The following KCNK10 variants were observed in gnomAD, a reference collection of about 807,000 sequenced individuals.
The protein encoded by KCNK10 is potassium channel subfamily K member 10.
In KCNK10, 25 loss-of-function variants were observed where a neutral mutation model predicts 47.7. That is an observed-to-expected ratio of 0.52 (90% confidence interval 0.38 to 0.73). KCNK10 has a LOEUF of 0.73. Among genes scored for constraint, KCNK10 ranks in the 30% least tolerant of loss-of-function variants. KCNK10 has a pLI of 0.00. For synonymous variants in KCNK10, 303 were observed against 285.6 expected, an observed-to-expected ratio of 1.06 and a Z score of -0.61; for missense variants, 563 against 714.5, an observed-to-expected ratio of 0.79 and a Z score of 2.42.
rs540273196 is a variant in KCNK10 at position 88,182,566 on chromosome 14, A to T, written c.*2969T>A. 6.6e-6 allele frequency: 1 copy of T among 152,428 alleles called. No homozygotes were observed. The highest frequency in any genetic ancestry group is 2.1e-4 in the South Asian group (1 of 4,826). The allele number at this position is 152,428 out of a possible 1,614,324, so 9.4% of individuals were successfully genotyped here. A position where few individuals can be genotyped will look rare whatever the true frequency, so the allele number is the denominator to read the frequency against. On this transcript the variant is annotated 3_prime_UTR_variant, in exon 7 of 7. Coordinates refer to ENST00000319231, the MANE Select transcript of KCNK10 (RefSeq NM_138317.3). ...TCATAGGTTTCTAAACACTTTGCAC[A>T]CATATTTAATCGATCAATCACCATA... is the stretch of plus-strand genomic sequence containing the variant.
chr14:88,267,449 C>T (rs1887293422), intron 1 of KCNK10, among the ~76,000 whole-genome samples: 1 of 151,758 alleles, frequency 6.6e-6, no homozygotes, highest in Non-Finnish European at 1.5e-5. Context: ...CGGCTCACTG[C>T]AACCTCCACC....
intron 4 of KCNK10, among the ~76,000 whole-genome samples, chr14:88,214,430 T>C (rs892795197): frequency 5.9e-5 from 9 of 152,128 alleles, no homozygotes; most frequent in Non-Finnish European, 1.0e-4. Flanking sequence ...AAGAACAGAG[T>C]GGGGACTATC....
rs557149460 is a variant in KCNK10 at position 88,223,182 on chromosome 14, G to A, written c.681+4193C>T. On this transcript the variant is annotated intron_variant, in intron 4 of 6. Coordinates refer to ENST00000319231, the MANE Select transcript of KCNK10 (RefSeq NM_138317.3). ...TCGTTATGCAGAAAAGCATTTCTGC[G>A]AAGACATCTACCCAGCAACTGACTG... Among the ~76,000 whole-genome samples the A allele has an allele frequency of 4.2e-4, 64 of 152,224 alleles. 1 individual carries two copies. The highest frequency in any genetic ancestry group is 7.6e-4 in the Non-Finnish European group (52 of 68,022).
At chr14:88,270,103 C>T (rs1211886094) in intron 1 of KCNK10, among the ~76,000 whole-genome samples, 1 of 152,032 alleles carries the variant, frequency 6.6e-6, no homozygotes, top group South Asian at 2.1e-4. Flanking sequence ...CCCCCCTCCC[C>T]GCAGCCGACC....
chr14:88,326,167 A>G, upstream of KCNK10, among the ~76,000 whole-genome samples: 1 of 141,446 alleles, frequency 7.1e-6, no homozygotes, highest in Non-Finnish European at 1.6e-5. Context: ...AATGTAGACA[A>G]AAGCAAGTTA....
At position 88,323,155 on chromosome 14, in the gene KCNK10, C is replaced by T. The variant is rs1888585695; in HGVS notation, c.-357G>A. 2.6e-5 allele frequency: 29 copies of T among 1,128,442 alleles called. No individual in the cohort carries two copies. The highest frequency in any genetic ancestry group is 3.1e-5 in the Non-Finnish European group (28 of 914,686). 69.9% of individuals were successfully genotyped at this position (1,128,442 alleles called of 1,614,324 possible). A position where few individuals can be genotyped will look rare whatever the true frequency, so the allele number is the denominator to read the frequency against. ...TGCCGGCAGGTTAGGGGCTGCGCAG[C>T]CTGAAGGCTGGGGCTACGGAGAAGC... is the stretch of plus-strand genomic sequence containing the variant. On this transcript the variant is annotated 5_prime_UTR_variant, in exon 1 of 7. Coordinates refer to ENST00000319231, the MANE Select transcript of KCNK10 (RefSeq NM_138317.3).
intron 1 of KCNK10, among the ~76,000 whole-genome samples, chr14:88,282,759 C>T (rs1437967971): frequency 1.3e-5 from 2 of 152,198 alleles, no homozygotes; most frequent in Non-Finnish European, 2.9e-5. Flanking sequence ...CAGAAAGGCA[C>T]CACCTTGAAA....
In KCNK10 at chr14:88,197,572, T is replaced by TAAAAAAAAAAAAAA. The variant is rs71417717; in HGVS notation, c.682-5176_682-5163dup. ...CTGGGCAACAGAGAGAGACTCCGAC[T>TAAAAAAAAAAAAAA]AAAAAAAAAAAAAAAAAAAAAAAAA... is the stretch of plus-strand genomic sequence containing the variant. On this transcript the variant is annotated intron_variant, in intron 4 of 6. Coordinates refer to ENST00000319231, the MANE Select transcript of KCNK10 (RefSeq NM_138317.3). Among the ~76,000 whole-genome samples the TAAAAAAAAAAAAAA allele has an allele frequency of 2.3e-4, 4 of 17,156 alleles. 2 individuals carry two copies. Among genetic ancestry groups the TAAAAAAAAAAAAAA allele is most frequent in the African/African-American group, 3.1e-4 (2 of 6,350 alleles). 11.3% of individuals were successfully genotyped at this position (17,156 alleles called of 152,430 possible).
intron 4 of KCNK10, among the ~76,000 whole-genome samples, chr14:88,225,215 C>T (rs1469276602): frequency 6.6e-6 from 1 of 152,210 alleles, no homozygotes; most frequent in East Asian, 1.9e-4. Context: ...ATCAGTTGTT[C>T]GTATATTTAG....
At chr14:88,283,114 A>G in intron 1 of KCNK10, among the ~76,000 whole-genome samples, 1 of 152,238 alleles carries the variant, frequency 6.6e-6, no homozygotes, top group Non-Finnish European at 1.5e-5. Flanking sequence ...ACTAAAGAAG[A>G]GAGTGATTAT....
intron 1 of KCNK10, among the ~76,000 whole-genome samples, chr14:88,317,281 G>A (rs1379023411): frequency 6.6e-6 from 1 of 152,148 alleles, no homozygotes; most frequent in East Asian, 1.9e-4. Flanking sequence ...TTGGAAACAC[G>A]TTAATAAAGC....
Position 88,240,816 on chromosome 14 carries a change from G to T in KCNK10, c.407C>A (p.Ala136Asp). ...PQELETLIQH[A>D]LDADNAGVSP... ...GACTCCCGCATTGTCAGCATCAAGA[G>T]CATGCTGCAAAGAAAGGGAAAAAGC... The change falls in exon 3 of 7, where the codon GCT becomes GAT. Residue 136 changes from alanine to aspartate, a missense_variant. By Grantham distance (126) the Ala-to-Asp change is moderately radical. Transcript: ENST00000319231. 1 of 1,596,196 alleles carries T rather than the reference G, an allele frequency of 6.3e-7. No individual in the cohort carries two copies. Among genetic ancestry groups the T allele is most frequent in the Non-Finnish European group, 8.6e-7 (1 of 1,164,354 alleles).
chr14:88,227,304 C>A, intron 4 of KCNK10, 71 bp downstream of exon 4: 1 of 1,244,336 alleles, frequency 8.0e-7, no homozygotes, highest in Non-Finnish European at 1.1e-6. Flanking sequence ...CTGATACTGC[C>A]TCCTGGATCC....
intron 1 of KCNK10, among the ~76,000 whole-genome samples, chr14:88,277,999 G>A (rs1887563025): frequency 1.3e-5 from 2 of 152,176 alleles, no homozygotes; most frequent in Non-Finnish European, 2.9e-5. Context: ...AATGTTCATG[G>A]CATGAATTCA....
intron 1 of KCNK10, among the ~76,000 whole-genome samples, chr14:88,294,826 C>G (rs917052481): frequency 3.3e-5 from 5 of 152,148 alleles, no homozygotes; most frequent in African/African-American, 1.2e-4. Context: ...TCCCAACCTT[C>G]CCCTCTCAGG....
intron 2 of KCNK10, among the ~76,000 whole-genome samples, chr14:88,245,791 G>T (rs981442802): frequency 1.3e-5 from 2 of 152,198 alleles, no homozygotes; most frequent in Non-Finnish European, 2.9e-5. Context: ...ATGACCAGTT[G>T]ATCTATTGTC....
intron 1 of KCNK10, among the ~76,000 whole-genome samples, chr14:88,286,140 C>T (rs1887755691): frequency 6.6e-6 from 1 of 152,132 alleles, no homozygotes; most frequent in African/African-American, 2.4e-5. Flanking sequence ...AACCACCAGT[C>T]ACATGAGCCA....
rs558313088 is a variant in KCNK10 at position 88,284,551 on chromosome 14, A to C, written c.53-21000T>G. On this transcript the variant is annotated intron_variant, in intron 1 of 6. Transcript: ENST00000319231. ...AGAGCCCCTGGCAAACCACTGGTGT[A>C]AGTCCAAGAGTCCAAAAGCTAAACA... 3.9e-5 allele frequency among the ~76,000 whole-genome samples: 6 copies of C among 152,324 alleles called. No homozygotes were observed. The East Asian group carries it at 1.2e-3, about 29-fold the overall frequency.
At chr14:88,317,217 A>C (rs1888446445) in intron 1 of KCNK10, among the ~76,000 whole-genome samples, 1 of 152,206 alleles carries the variant, frequency 6.6e-6, no homozygotes, top group Non-Finnish European at 1.5e-5. Flanking sequence ...TTGGATATTA[A>C]ATCAAAAATA....
Sources: allele counts gnomAD v4.1 joint callset (sites outside exome capture counted in the v4.1 genomes callset), GRCh38; gene constraint gnomAD v4.1.1; transcripts MANE v1.5; gene names NCBI Gene and HGNC (gene_info 2026-07-23, HGNC 2026-07-21).